USH2A: variants seen among roughly 807,000 people sequenced by gnomAD.
The protein encoded by USH2A is Usher syndrome 2A (autosomal recessive, mild).
A neutral mutation model predicts 538.9 loss-of-function variants in USH2A; 443 were observed. The observed-to-expected ratio is 0.82, with a 90% CI of 0.76 to 0.89. The LOEUF (loss-of-function observed/expected upper bound fraction) is 0.89. USH2A is among the 40% of genes least tolerant of loss of function. USH2A has a pLI of 0.00. For missense variants in USH2A, 6,633 were observed against 6,324.8 expected (o/e 1.05, Z -1.65); for synonymous variants, 2,413 against 2,273.5 (o/e 1.06, Z -1.75).
chr1:216,062,693 G>A (rs998786832), intron 30 of USH2A, among the ~76,000 whole-genome samples: 1 of 152,128 alleles, frequency 6.6e-6, no homozygotes, highest in African/African-American at 2.4e-5. Context: ...GCTAAAAAGT[G>A]GCATAGGCGG....
intron 3 of USH2A, among the ~76,000 whole-genome samples, chr1:216,379,656 T>A (rs1184054477): frequency 6.6e-6 from 1 of 152,174 alleles, no homozygotes; most frequent in Non-Finnish European, 1.5e-5. Flanking sequence ...TCCCAAGGAT[T>A]TCTCTGAGGA....
chr1:215,992,109 A>C (rs1298662912), intron 35 of USH2A, among the ~76,000 whole-genome samples: 4 of 152,224 alleles, frequency 2.6e-5, no homozygotes, highest in African/African-American at 9.6e-5. Context: ...TTAATATCAT[A>C]GTAAACATAA....
chr1:216,195,623 G>A (rs1403937642), intron 19 of USH2A: 2 of 151,708 alleles, frequency 1.3e-5, no homozygotes, highest in Non-Finnish European at 2.9e-5. Context: ...ATTGGCCAAG[G>A]GCATGAAAAA....
At chr1:216,052,776 T>C (rs2030837555) in intron 30 of USH2A, among the ~76,000 whole-genome samples, 1 of 152,222 alleles carries the variant, frequency 6.6e-6, no homozygotes, top group Non-Finnish European at 1.5e-5. Flanking sequence ...TTATCTCCTT[T>C]GATTCTCAGT....
chr1:215,735,675 T>G lies in USH2A; in HGVS notation c.11711+5700A>C, dbSNP rs1660135289. 2.0e-5 allele frequency among the ~76,000 whole-genome samples: 3 copies of G among 152,234 alleles called. No homozygotes were observed. In the South Asian group the frequency reaches 6.2e-4, roughly 31 times the overall value. ...AGCACTGCTAGCACTATTTTGGTGT[T>G]TAACATTCCAGACATTTTTTTATAT... On this transcript the variant is annotated intron_variant, in intron 60 of 71. Transcript: ENST00000307340.
intron 14 of USH2A, among the ~76,000 whole-genome samples, chr1:216,230,186 G>C (rs1384892736): frequency 6.6e-6 from 1 of 152,106 alleles, no homozygotes; most frequent in Non-Finnish European, 1.5e-5. Flanking sequence ...AAAAGACAGA[G>C]GTGGCCAGGA....
At chr1:216,369,920 C>CAA (rs71161416) in intron 3 of USH2A, among the ~76,000 whole-genome samples, 1,275 of 127,112 alleles carry the variant, frequency 0.01, 34 homozygotes, top group African/African-American at 0.031. Context: ...GAGACTCTGC[C>CAA]AAAAAAAAAA....
intron 10 of USH2A, among the ~76,000 whole-genome samples, chr1:216,290,900 C>G (rs1309155476): frequency 2.6e-5 from 4 of 152,122 alleles, no homozygotes; most frequent in African/African-American, 9.7e-5. Flanking sequence ...CTACACTCTG[C>G]TCACAAAACA....
chr1:216,298,390 A>G (rs1571675768), intron 9 of USH2A, among the ~76,000 whole-genome samples: 1 of 152,304 alleles, frequency 6.6e-6, no homozygotes, highest in East Asian at 1.9e-4. Flanking sequence ...TTCAGATTTT[A>G]TACTTAACGT....
intron 61 of USH2A, among the ~76,000 whole-genome samples, chr1:215,709,028 G>A (rs1659262090): frequency 6.6e-6 from 1 of 152,014 alleles, no homozygotes; most frequent in African/African-American, 2.4e-5. Flanking sequence ...CAAATAAATG[G>A]CCAGTCTGAT....
At chr1:216,227,476 A>G (rs588516) in intron 14 of USH2A, among the ~76,000 whole-genome samples, 29,543 of 152,042 alleles carry the variant, frequency 0.19, 3,223 homozygotes, top group Non-Finnish European at 0.25. Context: ...CAGTTATGAT[A>G]TTACCTATAG....
intron 64 of USH2A, among the ~76,000 whole-genome samples, chr1:215,656,017 A>C (rs1034174572): frequency 2.6e-5 from 4 of 152,154 alleles, no homozygotes; most frequent in Admixed American, 2.6e-4. Context: ...TATAGGCGTA[A>C]GCCACCGCGC....
chr1:215,803,690 C>T (rs562554388), intron 49 of USH2A, among the ~76,000 whole-genome samples: 167 of 152,076 alleles, frequency 1.1e-3, no homozygotes, highest in African/African-American at 2.4e-3. Flanking sequence ...ATCAATATCA[C>T]GAAAATGGCC....
In USH2A at chr1:216,282,397, G is replaced by C. The variant is rs145023852; in HGVS notation, c.1971+6883C>G. 2.6e-4 allele frequency among the ~76,000 whole-genome samples: 40 copies of C among 152,142 alleles called. No homozygotes were observed. The East Asian group carries it at 7.5e-3, about 29-fold the overall frequency. On this transcript the variant is annotated intron_variant, in intron 11 of 71. Transcript: ENST00000307340. ...TATTTTGTTTAATTTGAATTAATTTGTTTATATGTGAGGTGGGGTAGGAGT... is the reference window on the plus strand; with the variant it reads ...TATTTTGTTTAATTTGAATTAATTTCTTTATATGTGAGGTGGGGTAGGAGT...
rs139512237 is a variant in USH2A at position 216,157,161 on chromosome 1, G to A, written c.4627+18091C>T. Among the ~76,000 whole-genome samples, 198 of 152,192 alleles carry A rather than the reference G, an allele frequency of 1.3e-3. 1 individual carries two copies. The highest frequency in any genetic ancestry group is 3.8e-3 in the Admixed American group (58 of 15,276). ...TGCTGGATTACAGGTGTGAGCCACC[G>A]CGCCCAGCCAAACATACACTTCACA... On this transcript the variant is annotated intron_variant, in intron 21 of 71. Transcript: ENST00000307340.
intron 60 of USH2A, among the ~76,000 whole-genome samples, chr1:215,733,151 A>C (rs1258270499): frequency 1.5e-5 from 2 of 134,326 alleles, no homozygotes; most frequent in East Asian, 4.7e-4. Context: ...GTGAAGAAAG[A>C]GCAAGTGCAT....
intron 3 of USH2A, among the ~76,000 whole-genome samples, chr1:216,366,236 A>G (rs2038593347): frequency 6.6e-6 from 1 of 152,130 alleles, no homozygotes; most frequent in African/African-American, 2.4e-5. Flanking sequence ...CATGCAAAGG[A>G]AAGGTTGGAT....
At chr1:216,113,795 T>G (rs2032935041) in intron 21 of USH2A, among the ~76,000 whole-genome samples, 2 of 152,094 alleles carry the variant, frequency 1.3e-5, no homozygotes, top group South Asian at 4.1e-4. Context: ...CCTTTGCTTT[T>G]TATAATTGGG....
chr1:215,926,614 CTTTTT>C (rs10673615), intron 38 of USH2A, among the ~76,000 whole-genome samples: 102 of 75,850 alleles, frequency 1.3e-3, no homozygotes, highest in South Asian at 0.011. Flanking sequence ...ACCTACCTAT[CTTTTT>C]TTTTTTTTTT....
Sources: allele counts gnomAD v4.1 joint callset (sites outside exome capture counted in the v4.1 genomes callset), GRCh38; gene constraint gnomAD v4.1.1; transcripts MANE v1.5; gene names NCBI Gene and HGNC (gene_info 2026-07-23, HGNC 2026-07-21).